Variants in BACH2 observed in about 807,000 individuals in gnomAD.
BACH2 encodes BACH transcriptional regulator 2.
BACH2 carries 5 observed loss-of-function variants against 61.8 expected under a neutral mutation model. The observed-to-expected ratio is 0.08, with a 90% CI of 0.04 to 0.17. The LOEUF (loss-of-function observed/expected upper bound fraction) is 0.17. Among genes scored for constraint, BACH2 ranks in the 10% least tolerant of loss-of-function variants. The pLI, the probability that BACH2 is intolerant of heterozygous loss-of-function variation, is 1.00. For missense variants in BACH2, 824 were observed against 1,091.1 expected (o/e 0.76, Z 3.45); for synonymous variants, 446 against 440.1 (o/e 1.01, Z -0.17).
At chr6:90,211,234 G>T (rs1187804283) in intron 3 of BACH2, among the ~76,000 whole-genome samples, 1 of 149,030 alleles carries the variant, frequency 6.7e-6, no homozygotes, top group African/African-American at 2.4e-5. Context: ...ACAAAGGGCG[G>T]CAAGCAAACA....
At chr6:90,247,734 C>T (rs1400615011) in intron 3 of BACH2, among the ~76,000 whole-genome samples, 1 of 152,126 alleles carries the variant, frequency 6.6e-6, no homozygotes, top group African/African-American at 2.4e-5. Flanking sequence ...AATAGCTATC[C>T]CTGGAATGTC....
intron 1 of BACH2, among the ~76,000 whole-genome samples, chr6:90,294,303 C>T (rs1582575747): frequency 6.6e-6 from 1 of 152,202 alleles, no homozygotes. Flanking sequence ...AAATACGGCT[C>T]TGCACCAATA....
chr6:90,029,310 T>C (rs1778819692), intron 5 of BACH2, among the ~76,000 whole-genome samples: 1 of 151,956 alleles, frequency 6.6e-6, no homozygotes, highest in Admixed American at 6.6e-5. Flanking sequence ...GTCCTTAGAG[T>C]CTCCTTATGT....
At chr6:90,043,629 A>G (rs1692864103) in intron 5 of BACH2, among the ~76,000 whole-genome samples, 1 of 152,036 alleles carries the variant, frequency 6.6e-6, no homozygotes, top group Admixed American at 6.6e-5. Context: ...CACCTCTCCC[A>G]TAAGTTGGTT....
intron 4 of BACH2, among the ~76,000 whole-genome samples, chr6:90,200,115 T>C (rs1219543037): frequency 6.6e-6 from 1 of 152,230 alleles, no homozygotes; most frequent in Non-Finnish European, 1.5e-5. Context: ...AGTGATGTCA[T>C]TGCATGTCAC....
At chr6:90,183,156 C>A (rs1435379799) in intron 4 of BACH2, among the ~76,000 whole-genome samples, 1 of 152,178 alleles carries the variant, frequency 6.6e-6, no homozygotes, top group Non-Finnish European at 1.5e-5. Flanking sequence ...TTCAGACCAA[C>A]CTTTACCTCC....
intron 5 of BACH2, among the ~76,000 whole-genome samples, chr6:90,047,402 TG>T (rs1399713153): frequency 6.6e-6 from 1 of 152,186 alleles, no homozygotes; most frequent in African/African-American, 2.4e-5. Context: ...TCCATGGTCC[TG>T]GAAAGGCCTT....
chr6:90,237,293 T>A (rs1269993961), intron 3 of BACH2, among the ~76,000 whole-genome samples: 1 of 152,106 alleles, frequency 6.6e-6, no homozygotes, highest in Non-Finnish European at 1.5e-5. Flanking sequence ...TAAATAGTCA[T>A]CCCTCCTCAA....
chr6:90,184,358 G>T (rs1463256131), intron 4 of BACH2, among the ~76,000 whole-genome samples: 2 of 152,180 alleles, frequency 1.3e-5, no homozygotes, highest in Non-Finnish European at 2.9e-5. Flanking sequence ...ACTGATGAAA[G>T]AGAGTAAAAA....
chr6:89,999,563 T>C (rs1367541079), intron 6 of BACH2, among the ~76,000 whole-genome samples: 1 of 152,192 alleles, frequency 6.6e-6, no homozygotes, highest in Non-Finnish European at 1.5e-5. Context: ...AAAGTTTAAT[T>C]AAGTACCTTG....
intron 4 of BACH2, among the ~76,000 whole-genome samples, chr6:90,131,332 A>C (rs1784071306): frequency 6.6e-6 from 1 of 152,226 alleles, no homozygotes; most frequent in Non-Finnish European, 1.5e-5. Flanking sequence ...GTTGGTGATT[A>C]CACTTATGCC....
chr6:89,950,228 T>C lies in BACH2; in HGVS notation c.1836+42A>G. The C allele has an allele frequency of 1.2e-6, 2 of 1,611,406 alleles. No homozygotes were observed. Among genetic ancestry groups the C allele is most frequent in the Admixed American group, 1.7e-5 (1 of 60,008 alleles). ...CAGGGAGTAGTCCAGATAAAGGGCCTAGAGAGTGGGTCACATGCTTGAATT... is the reference window on the plus strand; with the variant it reads ...CAGGGAGTAGTCCAGATAAAGGGCCCAGAGAGTGGGTCACATGCTTGAATT... On this transcript the variant is annotated intron_variant, in intron 7 of 8. Transcript: ENST00000257749. The surrounding 1 kb of genome is among the most constrained non-coding windows in gnomAD (Gnocchi z 5.3).
At chr6:90,246,591 T>C (rs1770646771) in intron 3 of BACH2, among the ~76,000 whole-genome samples, 1 of 152,146 alleles carries the variant, frequency 6.6e-6, no homozygotes, top group Non-Finnish European at 1.5e-5. Context: ...AAAAAAATCA[T>C]TTACCTTGTT....
At chr6:90,019,585 A>C (rs1248187572) in intron 5 of BACH2, among the ~76,000 whole-genome samples, 1 of 148,370 alleles carries the variant, frequency 6.7e-6, no homozygotes. Flanking sequence ...GATTGATCAC[A>C]AAGAGCGGGA....
intron 3 of BACH2, among the ~76,000 whole-genome samples, chr6:90,250,194 A>C (rs566109709): frequency 6.6e-6 from 1 of 152,344 alleles, no homozygotes; most frequent in African/African-American, 2.4e-5. Flanking sequence ...GAATGAAAGC[A>C]AAAAGGCTTG....
chr6:90,265,177 T>C (rs1771282668), intron 2 of BACH2, among the ~76,000 whole-genome samples: 1 of 152,296 alleles, frequency 6.6e-6, no homozygotes, highest in Middle Eastern at 3.4e-3. Flanking sequence ...GGGGCCCACA[T>C]TATGGGGATC....
chr6:89,930,629 G>A lies in BACH2; in HGVS notation c.*1779C>T, dbSNP rs764879626. The A allele has an allele frequency of 1.3e-5, 2 of 152,780 alleles. No homozygotes were observed. Among genetic ancestry groups the A allele is most frequent in the African/African-American group, 2.4e-5 (1 of 41,452 alleles). 9.5% of individuals were successfully genotyped at this position (152,780 alleles called of 1,614,324 possible). A position where few individuals can be genotyped will look rare whatever the true frequency, so the allele number is the denominator to read the frequency against. ...TGGGGCACACCTTCCTGTAAACGTGGCTGGGGCCAACACGGCCCCAGAGCC... is the reference window on the plus strand; with the variant it reads ...TGGGGCACACCTTCCTGTAAACGTGACTGGGGCCAACACGGCCCCAGAGCC... On this transcript the variant is annotated 3_prime_UTR_variant, in exon 9 of 9. Transcript: ENST00000257749.
rs940924918 is a variant in BACH2, at chr6:89,927,428, T to G, written c.*4980A>C. The G allele has an allele frequency of 2.0e-5, 3 of 152,948 alleles. No individual in the cohort carries two copies. Among genetic ancestry groups the G allele is most frequent in the African/African-American group, 7.2e-5 (3 of 41,592 alleles). The allele number at this position is 152,948 out of a possible 1,614,324, so 9.5% of individuals were successfully genotyped here. ...AGTCCCTTCACTCTTTCGCAACATA[T>G]GCGTCTGATTATTCCCATGGGAGCA... On this transcript the variant is annotated 3_prime_UTR_variant, in exon 9 of 9. Coordinates refer to ENST00000257749, the MANE Select transcript of BACH2 (RefSeq NM_021813.4).
chr6:90,040,416 C>A (rs922894272), intron 5 of BACH2, among the ~76,000 whole-genome samples: 1 of 151,990 alleles, frequency 6.6e-6, no homozygotes, highest in Non-Finnish European at 1.5e-5. Flanking sequence ...CTATAAGGTG[C>A]CACTGACTTG....
Sources: gnomAD v4.1 joint callset for allele counts (sites outside exome capture counted in the v4.1 genomes callset) on GRCh38, gnomAD v4.1.1 for gene constraint, Gnocchi (gnomAD v3.1) non-coding constraint, MANE v1.5 for transcripts, NCBI Gene and HGNC (gene_info 2026-07-23, HGNC 2026-07-21) for gene names.